CXCL13: variants seen among roughly 807,000 people sequenced by gnomAD.
CXCL13 encodes the protein C-X-C motif chemokine 13.
A neutral mutation model predicts 12.2 loss-of-function variants in CXCL13; 7 were observed. That is an observed-to-expected ratio of 0.57 (90% CI 0.33 to 1.07). CXCL13 has a LOEUF of 1.07. Among genes scored for constraint, CXCL13 ranks in the 50% least tolerant of loss-of-function variants. The pLI is 0.04. For synonymous variants in CXCL13, 47 were observed against 42.4 expected, an observed-to-expected ratio of 1.11 and a Z score of -0.42; for missense variants, 113 against 127.4, an observed-to-expected ratio of 0.89 and a Z score of 0.55.
At chr4:77,566,194 G>C (rs188588578) in intron 1 of CXCL13, among the ~76,000 whole-genome samples, 3 of 152,126 alleles carry the variant, frequency 2.0e-5, no homozygotes, top group African/African-American at 7.2e-5. Flanking sequence ...AATTTCTTCC[G>C]TCCCGCTTCA....
chr4:77,588,657 A>C (rs1242065295), intron 1 of CXCL13, among the ~76,000 whole-genome samples: 1 of 152,194 alleles, frequency 6.6e-6, no homozygotes, highest in Non-Finnish European at 1.5e-5. Flanking sequence ...TTGGATACTC[A>C]GTTCTCTCTA....
chr4:77,538,423 CTTTTT>C (rs80263344), intron 1 of CXCL13, among the ~76,000 whole-genome samples: 2 of 124,178 alleles, frequency 1.6e-5, no homozygotes, highest in Admixed American at 1.6e-4. Context: ...AATGTCTTGT[CTTTTT>C]TTTTTTTTTT....
intron 1 of CXCL13, among the ~76,000 whole-genome samples, chr4:77,521,645 G>C (rs1177393024): frequency 6.6e-6 from 1 of 150,982 alleles, no homozygotes; most frequent in Non-Finnish European, 1.5e-5. Flanking sequence ...TCTCAATTTT[G>C]TTGATCTTTT....
At chr4:77,550,043 C>A (rs1725470855) in intron 1 of CXCL13, among the ~76,000 whole-genome samples, 1 of 152,238 alleles carries the variant, frequency 6.6e-6, no homozygotes, top group Non-Finnish European at 1.5e-5. Flanking sequence ...CAAGCCTCAG[C>A]AATGGCGGAC....
In CXCL13 at chr4:77,553,078, C is replaced by A. The variant is rs1725571972; in HGVS notation, c.-43+41290C>A. 4.6e-5 allele frequency among the ~76,000 whole-genome samples: 7 copies of A among 152,276 alleles called. No homozygotes were observed. The South Asian group carries it at 1.5e-3, about 32-fold the overall frequency. On this transcript the variant is annotated intron_variant, in intron 1 of 4. Coordinates refer to the CXCL13 transcript ENST00000286758. Reference sequence around the variant, plus strand: ...GGAGTGGAAAGGGGCCCTACTGCATCACGGTCTTAGGGTAGCAGATTGGTG... The same window carrying A: ...GGAGTGGAAAGGGGCCCTACTGCATAACGGTCTTAGGGTAGCAGATTGGTG...
intron 1 of CXCL13, among the ~76,000 whole-genome samples, chr4:77,538,193 A>G (rs990548729): frequency 6.6e-6 from 1 of 152,156 alleles, no homozygotes; most frequent in South Asian, 2.1e-4. Context: ...TTGGGTTGCA[A>G]TGAGAGAGGA....
At chr4:77,520,949 C>T (rs944534098) in intron 1 of CXCL13, among the ~76,000 whole-genome samples, 2 of 152,124 alleles carry the variant, frequency 1.3e-5, no homozygotes, top group Non-Finnish European at 2.9e-5. Flanking sequence ...TTCTTGAAGG[C>T]CTTTTCTGCA....
intron 1 of CXCL13, among the ~76,000 whole-genome samples, chr4:77,585,751 T>G (rs928662012): frequency 1.2e-4 from 18 of 152,240 alleles, no homozygotes; most frequent in Admixed American, 1.0e-3. Context: ...TGGTTATCTA[T>G]GCTTTGGGTA....
chr4:77,532,452 G>T (rs1724951469), intron 1 of CXCL13, among the ~76,000 whole-genome samples: 1 of 152,152 alleles, frequency 6.6e-6, no homozygotes, highest in South Asian at 2.1e-4. Context: ...TGGGTAACCT[G>T]ACCTTTCTCT....
intron 1 of CXCL13, among the ~76,000 whole-genome samples, chr4:77,572,483 A>G (rs950643718): frequency 2.0e-5 from 3 of 151,958 alleles, no homozygotes; most frequent in East Asian, 3.9e-4. Context: ...ATCGTATGAA[A>G]AAAAGCTCAA....
At position 77,573,294 on chromosome 4, in the gene CXCL13, T is replaced by C. The variant is rs1726130874; in HGVS notation, c.-42-32530T>C. Among the ~76,000 whole-genome samples, 7 of 151,862 alleles carry C rather than the reference T, an allele frequency of 4.6e-5. 2 individuals carry two copies. The highest frequency in any genetic ancestry group is 1.7e-4 in the African/African-American group (7 of 41,206). ...AAGAGAAATAATTTGAATCCACTTA[T>C]ATTTTATGAAATAGTTTGTGTTACT... On this transcript the variant is annotated intron_variant, in intron 1 of 4. Coordinates refer to the CXCL13 transcript ENST00000286758.
At chr4:77,609,923 G>A (rs955710563) in intron 2 of CXCL13, among the ~76,000 whole-genome samples, 3 of 152,210 alleles carry the variant, frequency 2.0e-5, no homozygotes, top group Non-Finnish European at 4.4e-5. Context: ...CAGAAGGTAA[G>A]GAAGTAATAA....
At chr4:77,518,935 G>T (rs914588324) in intron 1 of CXCL13, among the ~76,000 whole-genome samples, 1 of 152,054 alleles carries the variant, frequency 6.6e-6, no homozygotes, top group African/African-American at 2.4e-5. Context: ...ATCTAGTTTT[G>T]GACTTTGATG....
intron 1 of CXCL13, among the ~76,000 whole-genome samples, chr4:77,513,802 C>G (rs1031635286): frequency 7.4e-6 from 1 of 135,308 alleles, no homozygotes; most frequent in Non-Finnish European, 1.5e-5. Flanking sequence ...GAGATGGTAT[C>G]TCTTTTTTTT....
intron 1 of CXCL13, among the ~76,000 whole-genome samples, chr4:77,578,573 A>G (rs1038976438): frequency 1.3e-5 from 2 of 152,276 alleles, no homozygotes; most frequent in African/African-American, 2.4e-5. Flanking sequence ...AGGGGGAAAG[A>G]GTCTGACCTC....
intron 1 of CXCL13, among the ~76,000 whole-genome samples, chr4:77,522,683 T>G (rs1360565579): frequency 1.3e-5 from 2 of 152,034 alleles, no homozygotes; most frequent in African/African-American, 2.4e-5. Context: ...TTTGTGTGTT[T>G]TAATTGGGGC....
intron 1 of CXCL13, among the ~76,000 whole-genome samples, chr4:77,573,778 G>T (rs1726147839): frequency 6.6e-6 from 1 of 151,910 alleles, no homozygotes; most frequent in Non-Finnish European, 1.5e-5. Context: ...CTTAGGGAAT[G>T]AATTCTTTCT....
intron 1 of CXCL13, among the ~76,000 whole-genome samples, chr4:77,563,062 T>G (rs1484486476): frequency 6.6e-6 from 1 of 152,126 alleles, no homozygotes; most frequent in South Asian, 2.1e-4. Flanking sequence ...CTTTATGAGC[T>G]GTAACACTCA....
intron 1 of CXCL13, among the ~76,000 whole-genome samples, chr4:77,533,617 G>GC (rs763639899): frequency 2.0e-5 from 3 of 152,314 alleles, no homozygotes; most frequent in East Asian, 3.9e-4. Flanking sequence ...GTTTGGCTGT[G>GC]CCCTGCCCCC....
Sources: allele counts gnomAD v4.1 joint callset (sites outside exome capture counted in the v4.1 genomes callset), GRCh38; gene constraint gnomAD v4.1.1; transcripts MANE v1.5; gene names NCBI Gene and HGNC (gene_info 2026-07-23, HGNC 2026-07-21).